Variants in PDGFD observed in about 807,000 individuals in gnomAD.
PDGFD encodes platelet derived growth factor D.
Under a neutral mutation model 44.7 loss-of-function variants are expected in PDGFD, and 30 were observed. The ratio of observed to expected loss-of-function variants is 0.67; its 90% CI spans 0.50 to 0.91. The LOEUF (loss-of-function observed/expected upper bound fraction) is 0.91, where lower values mean the gene tolerates loss of function less well. Ranked by LOEUF, PDGFD falls within the 40% of genes least tolerant of loss-of-function variation. PDGFD has a pLI of 0.00. For synonymous variants in PDGFD, 173 were observed against 168.4 expected, an observed-to-expected ratio of 1.03 and a Z score of -0.21; for missense variants, 445 against 457.8, an observed-to-expected ratio of 0.97 and a Z score of 0.25.
At chr11:104,022,264 A>C (rs967693955) in intron 1 of PDGFD, among the ~76,000 whole-genome samples, 2 of 152,158 alleles carry the variant, frequency 1.3e-5, no homozygotes, top group Admixed American at 6.6e-5. Flanking sequence ...CTGTGGACTC[A>C]ATTGATCTAC....
chr11:104,082,129 C>CATATATATATATATATATATATAT (rs1389312680), intron 1 of PDGFD, among the ~76,000 whole-genome samples: 9 of 61,314 alleles, frequency 1.5e-4, no homozygotes, highest in East Asian at 6.5e-4. Flanking sequence ...TGTCCATATA[C>CATATATATATATATATATATATAT]ATACATACAT....
intron 3 of PDGFD, among the ~76,000 whole-genome samples, chr11:103,969,481 T>TTTTTTTTTTTTTG (rs1859070175): frequency 6.8e-6 from 1 of 147,618 alleles, no homozygotes; most frequent in East Asian, 2.0e-4. Flanking sequence ...CTGGTTTTTT[T>TTTTTTTTTTTTTG]TTTTTTTTTT....
intron 1 of PDGFD, among the ~76,000 whole-genome samples, chr11:104,150,197 A>T (rs1862221983): frequency 6.6e-6 from 1 of 152,180 alleles, no homozygotes; most frequent in Non-Finnish European, 1.5e-5. Flanking sequence ...GAAAATTTTA[A>T]AGAATAATTT....
chr11:103,996,301 A>C, intron 2 of PDGFD, 56 bp from the exon 3 acceptor site: 1 of 1,412,994 alleles, frequency 7.1e-7, no homozygotes, highest in Middle Eastern at 1.8e-4. Context: ...TTTGAAATTC[A>C]TACTTTCACT....
Position 104,164,022 on chromosome 11 carries a change from C to A in PDGFD, c.-95G>T. 7.4e-7 allele frequency: 1 copy of A among 1,356,184 alleles called. No individual in the cohort carries two copies. The highest frequency in any genetic ancestry group is 9.8e-7 in the Non-Finnish European group (1 of 1,019,740). 84.0% of individuals were successfully genotyped at this position (1,356,184 alleles called of 1,614,324 possible). On this transcript the variant is annotated 5_prime_UTR_variant, in exon 1 of 7. Transcript: ENST00000393158. ...CGCCGCCCTGCGCTCTCGCCGCCTG[C>A]GCTCGCCCTGCGCTGGCCCGGGTCG...
chr11:104,019,129 T>C (rs1405848809), intron 1 of PDGFD, among the ~76,000 whole-genome samples: 1 of 152,220 alleles, frequency 6.6e-6, no homozygotes, highest in Non-Finnish European at 1.5e-5. Context: ...CACTTTGTAT[T>C]ATATGTGTGG....
chr11:104,118,462 T>C (rs1545865), intron 1 of PDGFD, among the ~76,000 whole-genome samples: 97,146 of 151,328 alleles, frequency 0.64, 31,672 homozygotes, highest in African/African-American at 0.76. Context: ...GTTTAAGTCA[T>C]TCAGTTTATG....
At chr11:104,077,647 G>A (rs682047) in intron 1 of PDGFD, among the ~76,000 whole-genome samples, 60,699 of 151,870 alleles carry the variant, frequency 0.4, 12,471 homozygotes, top group East Asian at 0.57. Flanking sequence ...GCAAAGTTGT[G>A]CAAAATATTG....
At chr11:104,039,172 A>G (rs1034553724) in intron 1 of PDGFD, 1 of 167,098 alleles carries the variant, frequency 6.0e-6, no homozygotes. Context: ...CAAAACTAGT[A>G]TTAAAACAGC....
chr11:103,908,813 C>T lies in PDGFD; in HGVS notation c.*881G>A, dbSNP rs11226058. 4 of 152,184 alleles carry T rather than the reference C, an allele frequency of 2.6e-5. No individual in the cohort carries two copies. Among genetic ancestry groups the T allele is most frequent in the African/African-American group, 9.7e-5 (4 of 41,438 alleles). 9.4% of individuals were successfully genotyped at this position (152,184 alleles called of 1,614,324 possible). A position where few individuals can be genotyped will look rare whatever the true frequency, so the allele number is the denominator to read the frequency against. ...TCACTGAACACCATCTGGAAAGGTT[C>T]ATACAGAATGCCCATGCCATTCTTG... On this transcript the variant is annotated 3_prime_UTR_variant, in exon 7 of 7. Transcript: ENST00000393158.
At chr11:104,009,444 T>G (rs1400317004) in intron 1 of PDGFD, among the ~76,000 whole-genome samples, 5 of 151,430 alleles carry the variant, frequency 3.3e-5, no homozygotes, top group Non-Finnish European at 7.4e-5. Context: ...TTATTATTAT[T>G]ATTATTATTA....
chr11:104,154,964 GT>G (rs1323101493), intron 1 of PDGFD, among the ~76,000 whole-genome samples: 1 of 152,202 alleles, frequency 6.6e-6, no homozygotes, highest in Non-Finnish European at 1.5e-5. Flanking sequence ...ATTCTTTGCA[GT>G]GAAAATATGC....
chr11:103,934,125 T>C (rs1411215203), intron 5 of PDGFD, among the ~76,000 whole-genome samples: 2 of 152,226 alleles, frequency 1.3e-5, no homozygotes, highest in African/African-American at 2.4e-5. Flanking sequence ...CATGTCATGA[T>C]TCTCTATTTT....
intron 3 of PDGFD, among the ~76,000 whole-genome samples, chr11:103,986,911 T>G (rs1449862134): frequency 6.6e-6 from 1 of 152,168 alleles, no homozygotes; most frequent in South Asian, 2.1e-4. Flanking sequence ...TTGCAGAACC[T>G]GCACTGGATG....
At chr11:104,033,226 T>C (rs2134391198) in intron 1 of PDGFD, among the ~76,000 whole-genome samples, 1 of 152,180 alleles carries the variant, frequency 6.6e-6, no homozygotes, top group South Asian at 2.1e-4. Context: ...AATCAAATGA[T>C]GTATACACAG....
chr11:103,943,823 T>C (rs1442290500), intron 4 of PDGFD, among the ~76,000 whole-genome samples, 173 bp from the exon 5 acceptor site: 1 of 152,146 alleles, frequency 6.6e-6, no homozygotes, highest in Admixed American at 6.6e-5. Context: ...TGGATAAAAA[T>C]CAATTAATTA....
At chr11:104,092,654 G>C (rs1330611667) in intron 1 of PDGFD, among the ~76,000 whole-genome samples, 1 of 152,122 alleles carries the variant, frequency 6.6e-6, no homozygotes, top group African/African-American at 2.4e-5. Flanking sequence ...TATTAATAGA[G>C]TCATATCATG....
chr11:104,115,269 A>ATATG (rs1361067680), intron 1 of PDGFD, among the ~76,000 whole-genome samples: 1 of 148,418 alleles, frequency 6.7e-6, no homozygotes, highest in Non-Finnish European at 1.5e-5. Context: ...ATATATATAT[A>ATATG]TATGTATGTA....
chr11:103,920,507 C>A (rs1858198089), intron 6 of PDGFD, among the ~76,000 whole-genome samples: 1 of 152,288 alleles, frequency 6.6e-6, no homozygotes, highest in African/African-American at 2.4e-5. Flanking sequence ...GTACCTTGCC[C>A]CATGTGGCAA....
Sources: gnomAD v4.1 joint callset for allele counts (sites outside exome capture counted in the v4.1 genomes callset) on GRCh38, gnomAD v4.1.1 for gene constraint, MANE v1.5 for transcripts, NCBI Gene and HGNC (gene_info 2026-07-23, HGNC 2026-07-21) for gene names.